Variants in SOX5 observed in about 807,000 individuals in gnomAD.
The protein encoded by SOX5 is transcription factor SOX-5.
Under a neutral mutation model 92.0 loss-of-function variants are expected in SOX5, and 9 were observed. The observed-to-expected ratio is 0.10, with a 90% CI of 0.06 to 0.17. SOX5 has a LOEUF of 0.17. Among genes scored for constraint, SOX5 ranks in the 10% least tolerant of loss-of-function variants. The pLI is 1.00. For synonymous variants in SOX5, 344 were observed against 336.3 expected (o/e 1.02, Z -0.25); for missense variants, 642 against 944.5 (o/e 0.68, Z 4.20).
At chr12:24,554,774 C>T (rs569180154) in intron 1 of SOX5, among the ~76,000 whole-genome samples, 2 of 152,170 alleles carry the variant, frequency 1.3e-5, no homozygotes, top group Non-Finnish European at 2.9e-5. Flanking sequence ...CTGACTGAGT[C>T]TAAATGACGT....
chr12:23,770,443 G>C (rs1170658044), intron 3 of SOX5, among the ~76,000 whole-genome samples: 1 of 152,062 alleles, frequency 6.6e-6, no homozygotes, highest in Non-Finnish European at 1.5e-5. Context: ...TTCAAACACT[G>C]TGTGTGTGAT....
chr12:24,389,604 C>A (rs1415791890), intron 1 of SOX5, among the ~76,000 whole-genome samples: 3 of 152,116 alleles, frequency 2.0e-5, no homozygotes, highest in East Asian at 1.9e-4. Context: ...ATAGATATAC[C>A]ACATTTTATT....
chr12:24,535,441 T>C (rs1004303716), intron 1 of SOX5, among the ~76,000 whole-genome samples: 1 of 152,190 alleles, frequency 6.6e-6, no homozygotes, highest in African/African-American at 2.4e-5. Context: ...CAATAGAGGA[T>C]GTCTTAGTAT....
At chr12:23,595,700 T>A (rs1359688081) in intron 9 of SOX5, among the ~76,000 whole-genome samples, 1 of 146,062 alleles carries the variant, frequency 6.8e-6, no homozygotes, top group African/African-American at 2.5e-5. Context: ...GAGAACTGAA[T>A]AATGTAATTG....
At chr12:24,233,002 T>C (rs763470964) in intron 3 of SOX5, among the ~76,000 whole-genome samples, 1 of 152,204 alleles carries the variant, frequency 6.6e-6, no homozygotes, top group Non-Finnish European at 1.5e-5. Flanking sequence ...GTCTGGCTCC[T>C]GTATAAGTTG....
At chr12:23,645,767 G>A (rs955392063) in intron 7 of SOX5, among the ~76,000 whole-genome samples, 3 of 151,862 alleles carry the variant, frequency 2.0e-5, no homozygotes, top group Non-Finnish European at 2.9e-5. Context: ...CTTTGGATAT[G>A]CATATATATG....
At chr12:24,370,861 T>G (rs1956669833) in intron 1 of SOX5, among the ~76,000 whole-genome samples, 1 of 152,216 alleles carries the variant, frequency 6.6e-6, no homozygotes, top group South Asian at 2.1e-4. Flanking sequence ...CTTGTATTTC[T>G]CCTAAGTGCT....
At chr12:24,417,936 A>C (rs2136891308) in intron 1 of SOX5, among the ~76,000 whole-genome samples, 1 of 152,324 alleles carries the variant, frequency 6.6e-6, no homozygotes, top group East Asian at 1.9e-4. Context: ...GTTTTCACTG[A>C]GCTCATTTAG....
intron 3 of SOX5, among the ~76,000 whole-genome samples, chr12:23,820,376 A>C (rs12372178): frequency 7.9e-5 from 12 of 152,072 alleles, no homozygotes; most frequent in South Asian, 2.1e-4. Flanking sequence ...TGTAGGTTGC[A>C]TGTTCACTCT....
intron 1 of SOX5, among the ~76,000 whole-genome samples, chr12:23,910,493 T>C (rs184905036): frequency 6.6e-6 from 1 of 152,276 alleles, no homozygotes; most frequent in African/African-American, 2.4e-5. Flanking sequence ...TATGCTGACA[T>C]TATTTATAGA....
intron 4 of SOX5, among the ~76,000 whole-genome samples, chr12:24,129,464 G>A (rs936866315): frequency 3.9e-5 from 6 of 152,036 alleles, no homozygotes; most frequent in Admixed American, 2.6e-4. Flanking sequence ...GGGAGTACAC[G>A]TGGTCCATGC....
At chr12:23,969,925 G>C (rs756001665) in intron 4 of SOX5, among the ~76,000 whole-genome samples, 2 of 152,144 alleles carry the variant, frequency 1.3e-5, no homozygotes. Context: ...GCTCAAGGAC[G>C]CAAGTGTGCC....
At chr12:24,234,765 T>C (rs1406054316) in intron 3 of SOX5, among the ~76,000 whole-genome samples, 1 of 152,220 alleles carries the variant, frequency 6.6e-6, no homozygotes, top group African/African-American at 2.4e-5. Context: ...TTTATAGAGT[T>C]GTTAAATGCT....
rs1959160561 is a variant in SOX5, at chr12:24,393,056, G to A, written c.-250-24417C>T. Among the ~76,000 whole-genome samples the A allele has an allele frequency of 6.6e-6, 1 of 152,090 alleles. No individual in the cohort carries two copies. Among genetic ancestry groups the A allele is most frequent in the Admixed American group, 6.5e-5 (1 of 15,268 alleles). On this transcript the variant is annotated intron_variant, in intron 1 of 4. Coordinates refer to the SOX5 transcript ENST00000446891. The surrounding 1 kb of genome is among the most constrained non-coding windows in gnomAD (Gnocchi z 5.0). The stretch of plus-strand genomic sequence containing the variant: ...TGAGAGGCTTCAATCTTGAGTGTGT[G>A]GGGGCATAAGTATTTTTTTCTTTTC...
chr12:24,455,533 T>C (rs1041361733), intron 1 of SOX5, among the ~76,000 whole-genome samples: 2 of 152,216 alleles, frequency 1.3e-5, no homozygotes, highest in African/African-American at 4.8e-5. Context: ...CAAGATTTCA[T>C]AGCAGAGTAT....
chr12:23,576,561 A>C (rs530058470), intron 9 of SOX5, among the ~76,000 whole-genome samples: 3 of 152,146 alleles, frequency 2.0e-5, no homozygotes, highest in Non-Finnish European at 4.4e-5. Flanking sequence ...GGTTTCTCTT[A>C]TACTATATGT....
chr12:23,983,930 A>G (rs905274614), intron 4 of SOX5, among the ~76,000 whole-genome samples: 2 of 152,160 alleles, frequency 1.3e-5, no homozygotes, highest in South Asian at 2.1e-4. Flanking sequence ...ATAAACCTCA[A>G]TGTGCAGCTT....
chr12:23,560,076 A>AT (rs1945931312), intron 11 of SOX5, among the ~76,000 whole-genome samples: 1 of 151,812 alleles, frequency 6.6e-6, no homozygotes, highest in Non-Finnish European at 1.5e-5. Context: ...CACCCGGGTA[A>AT]TTTTTTGTAT....
intron 4 of SOX5, among the ~76,000 whole-genome samples, chr12:23,976,193 GA>G (rs917644093): frequency 6.6e-6 from 1 of 151,608 alleles, no homozygotes; most frequent in Non-Finnish European, 1.5e-5. Context: ...GATGATTAAA[GA>G]AAAAAATTCT....
Sources: gnomAD v4.1 joint callset for allele counts (sites outside exome capture counted in the v4.1 genomes callset) on GRCh38, gnomAD v4.1.1 for gene constraint, Gnocchi (gnomAD v3.1) non-coding constraint, MANE v1.5 for transcripts, NCBI Gene and HGNC (gene_info 2026-07-23, HGNC 2026-07-21) for gene names.